Variants in MED12 observed in about 807,000 individuals in gnomAD.
The protein encoded by MED12 is mediator complex subunit 12, also known as mediator of RNA polymerase II transcription subunit 12.
A neutral mutation model predicts 177.7 loss-of-function variants in MED12; 10 were observed. That is an observed-to-expected ratio of 0.06 (90% CI 0.03 to 0.10). The LOEUF (loss-of-function observed/expected upper bound fraction) is 0.10, where lower values mean the gene tolerates loss of function less well. Ranked by LOEUF, MED12 falls within the 10% of genes least tolerant of loss-of-function variation. The probability of loss-of-function intolerance (pLI) is 1.00; values close to 1 mark genes in which losing one functional copy is unlikely to be tolerated. For missense variants in MED12, 867 were observed against 1,780.8 expected, an observed-to-expected ratio of 0.49 and a Z score of 9.23; for synonymous variants, 641 against 678.4, an observed-to-expected ratio of 0.94 and a Z score of 0.86.
At chrX:71,139,498 C>T (rs1438502005) in intron 41 of MED12, among the ~76,000 whole-genome samples, 1 of 110,433 alleles carries the variant, frequency 9.1e-6, no homozygotes, top group Non-Finnish European at 1.9e-5. Context: ...AGAATTGAGA[C>T]GCAGTCCCAG....
In MED12 at chrX:71,141,006, C is replaced by G. The variant is rs759929404; in HGVS notation, c.6267+149C>G. On this transcript the variant is annotated intron_variant, in intron 42 of 44. Coordinates refer to ENST00000374080, the MANE Select transcript of MED12 (RefSeq NM_005120.3). ...CCTCTAGTGGTGCTGGAGAAGTTTTCTACCCTCCCCCTTTTTGTTTTCTGG... is the reference window on the plus strand; with the variant it reads ...CCTCTAGTGGTGCTGGAGAAGTTTTGTACCCTCCCCCTTTTTGTTTTCTGG... The G allele has an allele frequency of 1.5e-4, 161 of 1,099,571 alleles. No homozygotes were observed. In the Middle Eastern group the frequency reaches 2.0e-3, roughly 14 times the overall value. The allele number at this position is 1,099,571 out of a possible 1,213,427, so 90.6% of individuals were successfully genotyped here. A position where few individuals can be genotyped will look rare whatever the true frequency, so the allele number is the denominator to read the frequency against.
rs747604195 is a variant in MED12, at chrX:71,129,849, C to T, written c.3861C>T (p.Cys1287=). The change falls in exon 27 of 45, where the codon TGC becomes TGT. Residue 1287 remains cysteine (C), a synonymous_variant. Coordinates refer to ENST00000374080, the MANE Select transcript of MED12 (RefSeq NM_005120.3). ...VYAKYVLRSI[C]QQEWVGERCL... The stretch of plus-strand genomic sequence containing the variant: ...CCAAGTACGTGCTGCGCAGCATCTG[C>T]CAACAGGTCAGTTTCACCTTCCTCC... 8.3e-7 allele frequency: 1 copy of T among 1,211,574 alleles called. No individual in the cohort carries two copies. Among genetic ancestry groups the T allele is most frequent in the Admixed American group, 2.2e-5 (1 of 46,053 alleles).
At chrX:71,141,659 C>T (rs1053952236) in intron 43 of MED12, among the ~76,000 whole-genome samples, 3 of 110,949 alleles carry the variant, frequency 2.7e-5, no homozygotes, top group Non-Finnish European at 3.8e-5. Flanking sequence ...ATAAATAAGC[C>T]GGGCATGGTG....
chrX:71,125,741 C>T (rs374380689), intron 17 of MED12, 28 bp downstream of exon 17: 1 of 1,121,440 alleles, frequency 8.9e-7, no homozygotes, highest in Admixed American at 2.2e-5. Flanking sequence ...CCATACTGCC[C>T]TCCCTCCCTC....
rs1157498636 is a variant in MED12, at chrX:71,136,670, C to A, written c.5400+15C>A. The A allele has an allele frequency of 1.7e-6, 2 of 1,206,388 alleles. No homozygotes were observed. The stretch of plus-strand genomic sequence containing the variant: ...CCAAGACAGAGGTGAGCGCCTCCCC[C>A]GTGACAGTTCTCCCACAGCCTCTCA... On this transcript the variant is annotated intron_variant, in intron 37 of 44. Coordinates refer to ENST00000374080, the MANE Select transcript of MED12 (RefSeq NM_005120.3).
chrX:71,121,727 A>G lies in MED12; in HGVS notation c.1012A>G (p.Thr338Ala). 8.3e-7 allele frequency: 1 copy of G among 1,210,923 alleles called. No homozygotes were observed. Among genetic ancestry groups the G allele is most frequent in the Admixed American group, 2.2e-5 (1 of 45,986 alleles). ...LPTTPAPQPP[T>A]SSTPSTPFSD... is the part of the protein sequence containing the mutation. ...CACCACCCCTGCTCCTCAGCCCCCA[A>G]CTAGCAGCACACCCTCGACTCCCTT... Residue 338 changes from threonine to alanine, a missense_variant, in exon 7 of 45, where the codon ACT becomes GCT. Transcript: ENST00000374080.
intron 41 of MED12, among the ~76,000 whole-genome samples, chrX:71,139,167 G>C (rs1475417422): frequency 8.9e-6 from 1 of 112,540 alleles, no homozygotes; most frequent in Non-Finnish European, 1.9e-5. Flanking sequence ...CAGGTATGCA[G>C]TTGTATGCTA....
intron 20 of MED12, 101 bp downstream of exon 20, chrX:71,127,233 GC>G (rs2147799003): frequency 2.6e-6 from 3 of 1,159,283 alleles, no homozygotes; most frequent in Non-Finnish European, 3.5e-6. Flanking sequence ...GGAAGCACCT[GC>G]TGCTCAGGTG....
intron 19 of MED12, 57 bp downstream of exon 19, chrX:71,126,541 C>T (rs1376922107): frequency 4.1e-5 from 48 of 1,180,034 alleles, no homozygotes; most frequent in Non-Finnish European, 5.3e-5. Flanking sequence ...ATAGCGGCTA[C>T]GGAGGGTCAT....
In MED12 at chrX:71,121,035, G is replaced by T; in HGVS notation, c.618G>T (p.Arg206=). Residue 206 remains arginine (R), a synonymous_variant, in exon 5 of 45, where the codon CGG becomes CGT. Coordinates refer to ENST00000374080, the MANE Select transcript of MED12 (RefSeq NM_005120.3). ...EQLQKMAEYY[R]PGPAGSGGCG... is the part of the protein sequence containing the mutation. Reference sequence around the variant, plus strand: ...TACAGAAGATGGCTGAATACTACCGGCCAGGGCCTGCAGGAAGTGGGGGCT... The same window carrying T: ...TACAGAAGATGGCTGAATACTACCGTCCAGGGCCTGCAGGAAGTGGGGGCT... The T allele has an allele frequency of 8.3e-7, 1 of 1,211,690 alleles. No homozygotes were observed. Among genetic ancestry groups the T allele is most frequent in the Non-Finnish European group, 1.1e-6 (1 of 895,409 alleles).
At position 71,141,271 on chromosome X, in the gene MED12, ACAGCAACAGCAGCAG is replaced by A. The variant is rs727503869; in HGVS notation, c.6321_6335del (p.Gln2111_Gln2115del). 948 of 1,157,316 alleles carry A rather than the reference ACAGCAACAGCAGCAG, an allele frequency of 8.2e-4. No individual in the cohort carries two copies. Among genetic ancestry groups the A allele is most frequent in the Non-Finnish European group, 1.0e-3 (883 of 865,343 alleles). ...AACAGCAGCAGCAGCAGCAGCAGCA[ACAGCAACAGCAGCAG>A]CAGCAACAGCAACAACAGCAACACC... On this transcript the variant is annotated inframe_deletion, in exon 43 of 45. Transcript: ENST00000374080.
In MED12 at chrX:71,118,709, G is replaced by A. The variant is rs2147765958; in HGVS notation, c.-46G>A. The A allele has an allele frequency of 1.7e-6, 2 of 1,151,960 alleles. No individual in the cohort carries two copies. The highest frequency in any genetic ancestry group is 1.8e-5 in the African/African-American group (1 of 56,044). 94.9% of individuals were successfully genotyped at this position (1,151,960 alleles called of 1,213,427 possible). On this transcript the variant is annotated 5_prime_UTR_variant, in exon 1 of 45. Coordinates refer to ENST00000374080, the MANE Select transcript of MED12 (RefSeq NM_005120.3). The stretch of plus-strand genomic sequence containing the variant: ...CCCTCTCCCCCTTCCCGTTCCCCCA[G>A]TCAGCCTGGCCCTGCTGGTGCCTCC...
intron 2 of MED12, 53 bp downstream of exon 2, chrX:71,119,530 G>A (rs2147772448): frequency 9.0e-7 from 1 of 1,116,515 alleles, no homozygotes; most frequent in East Asian, 3.2e-5. Context: ...CTAAGAAGGA[G>A]CAAAGGCCCT....
intron 13 of MED12, 47 bp from the exon 14 acceptor site, chrX:71,124,717 C>G (rs945054014): frequency 1.6e-5 from 17 of 1,040,232 alleles, no homozygotes; most frequent in Non-Finnish European, 2.3e-5. Flanking sequence ...ATGGTGGGAG[C>G]CACTCCCTAG....
rs1283598954 is a variant in MED12, at chrX:71,121,707, C to T, written c.992C>T (p.Thr331Ile). 1.7e-6 allele frequency: 2 copies of T among 1,209,517 alleles called. No individual in the cohort carries two copies. Among genetic ancestry groups the T allele is most frequent in the Non-Finnish European group, 2.2e-6 (2 of 894,993 alleles). ...SAQSTSTLPT[T>I]PAPQPPTSST... ...CAGTCAACAAGCACGCTACCCACCA[C>T]CCCTGCTCCTCAGCCCCCAACTAGC... Residue 331 changes from threonine to isoleucine, a missense_variant, in exon 7 of 45, where the codon ACC becomes ATC. By Grantham distance (89) the Thr-to-Ile change is moderately conservative (BLOSUM62 -1). Around this residue, in one of 14 missense-constraint regions of MED12, gnomAD observed 309 missense variants for 556.3 expected, o/e 0.56. Coordinates refer to ENST00000374080, the MANE Select transcript of MED12 (RefSeq NM_005120.3).
At chrX:71,123,830 C>A in intron 12 of MED12, 110 bp downstream of exon 12, 1 of 853,726 alleles carries the variant, frequency 1.2e-6, no homozygotes. Context: ...CTCTTGGGCT[C>A]TATGCAGAAT....
At chrX:71,120,704 G>A (rs913306653) in intron 4 of MED12, among the ~76,000 whole-genome samples, 7 of 109,953 alleles carry the variant, frequency 6.4e-5, no homozygotes, top group African/African-American at 1.3e-4. Flanking sequence ...TCCACCTCCC[G>A]GGTTAAAGTG....
At chrX:71,122,146 T>C in intron 7 of MED12, 54 bp from the exon 8 acceptor site, 1 of 1,198,117 alleles carries the variant, frequency 8.3e-7, no homozygotes, top group Admixed American at 2.2e-5. Flanking sequence ...AGAATGGGAT[T>C]CCAGAGGGGT....
intron 42 of MED12, 51 bp downstream of exon 42, chrX:71,140,908 G>A (rs765667998): frequency 8.3e-7 from 1 of 1,198,536 alleles, no homozygotes; most frequent in Non-Finnish European, 1.1e-6. Context: ...GAGGAAGAGA[G>A]GCACAAGTTC....
Sources: gnomAD v4.1 joint callset for allele counts (sites outside exome capture counted in the v4.1 genomes callset) on GRCh38, gnomAD v4.1.1 for gene constraint, gnomAD v4.1.1 regional missense constraint, MANE v1.5 for transcripts, NCBI Gene and HGNC (gene_info 2026-07-23, HGNC 2026-07-21) for gene names.